ALDH1A2: variants seen among roughly 807,000 people sequenced by gnomAD.
ALDH1A2 encodes the protein retinal dehydrogenase 2.
In ALDH1A2, 27 loss-of-function variants were observed where a neutral mutation model predicts 60.3. That is an observed-to-expected ratio of 0.45 (90% CI 0.33 to 0.62). The LOEUF (loss-of-function observed/expected upper bound fraction) is 0.62. Among genes scored for constraint, ALDH1A2 ranks in the 20% least tolerant of loss-of-function variants. The probability of loss-of-function intolerance (pLI) is 0.02; values close to 1 mark genes in which losing one functional copy is unlikely to be tolerated. For missense variants in ALDH1A2, 581 were observed against 643.8 expected (o/e 0.90, Z 1.06); for synonymous variants, 289 against 232.4 (o/e 1.24, Z -2.21).
Position 57,965,807 on chromosome 15 carries a change from T to G in ALDH1A2, c.819A>C (p.Glu273Asp). 1.2e-6 allele frequency: 2 copies of G among 1,614,138 alleles called. No individual in the cohort carries two copies. The highest frequency in any genetic ancestry group is 1.7e-6 in the Non-Finnish European group (2 of 1,179,970). Reference protein sequence around the residue: ...GSTEVGKLIQEAAGRSNLKRV... With the variant: ...GSTEVGKLIQDAAGRSNLKRV... ...TCTTCAAATTACTTCTTCCAGCTGC[T>G]TCTTGGATAAGCTTTCCAACCTGAA... The change falls in exon 8 of 13, where the codon GAA (glutamate) becomes GAC (aspartate). Residue 273 changes from glutamate (E) to aspartate (D), a missense_variant. By Grantham distance (45) the Glu-to-Asp change is conservative. This residue lies in a region of ALDH1A2 where 375 missense variants were observed against 469.7 expected (regional missense o/e 0.80). Transcript: ENST00000249750.
At chr15:57,999,354 A>T (rs1446279662) in intron 4 of ALDH1A2, among the ~76,000 whole-genome samples, 9 of 152,146 alleles carry the variant, frequency 5.9e-5, no homozygotes, top group Non-Finnish European at 1.3e-4. Flanking sequence ...GAAGAAAAAA[A>T]TAACCCCATT....
intron 1 of ALDH1A2, among the ~76,000 whole-genome samples, chr15:58,037,160 A>G (rs779017866): frequency 5.3e-5 from 8 of 151,770 alleles, no homozygotes; most frequent in Non-Finnish European, 1.2e-4. Flanking sequence ...ATATGTATTT[A>G]AGCAGCAAGG....
chr15:57,970,168 A>C (rs1894015732), intron 7 of ALDH1A2, among the ~76,000 whole-genome samples: 1 of 152,238 alleles, frequency 6.6e-6, no homozygotes, highest in Non-Finnish European at 1.5e-5. Context: ...TACAAGTAGA[A>C]CACCACAGCT....
At chr15:57,993,584 C>CA (rs1298887523) in intron 5 of ALDH1A2, among the ~76,000 whole-genome samples, 2 of 152,096 alleles carry the variant, frequency 1.3e-5, no homozygotes, top group African/African-American at 2.4e-5. Context: ...TATATGATTA[C>CA]AAAAAATAAA....
At chr15:57,976,408 T>C (rs565338303) in intron 7 of ALDH1A2, among the ~76,000 whole-genome samples, 78 of 152,318 alleles carry the variant, frequency 5.1e-4, no homozygotes, top group African/African-American at 1.7e-3. Flanking sequence ...CTATTTCTCC[T>C]AATGTTATCC....
chr15:58,034,893 T>C (rs1158052449), intron 1 of ALDH1A2, among the ~76,000 whole-genome samples: 2 of 151,734 alleles, frequency 1.3e-5, no homozygotes, highest in African/African-American at 4.8e-5. Context: ...TTGTGGATTT[T>C]TGCATCTATG....
intron 1 of ALDH1A2, among the ~76,000 whole-genome samples, chr15:58,040,370 G>C (rs1215739763): frequency 6.6e-6 from 1 of 151,892 alleles, no homozygotes; most frequent in African/African-American, 2.4e-5. Context: ...CCTGCAGACA[G>C]ATAATCTAGG....
chr15:58,046,035 T>C lies in ALDH1A2; in HGVS notation c.117+19499A>G, dbSNP rs1896631992. Among the ~76,000 whole-genome samples the C allele has an allele frequency of 2.0e-5, 3 of 152,156 alleles. 1 individual carries two copies. The highest frequency in any genetic ancestry group is 6.5e-5 in the Admixed American group (1 of 15,270). On this transcript the variant is annotated intron_variant, in intron 1 of 12. Coordinates refer to ENST00000249750, the MANE Select transcript of ALDH1A2 (RefSeq NM_003888.4). ...TGGCAGGAAATGTCATATATTTTCT[T>C]ATCTCAGCAATTTCACCTTCCTAGT...
intron 1 of ALDH1A2, among the ~76,000 whole-genome samples, chr15:58,019,048 A>C (rs769572496): frequency 6.6e-6 from 1 of 152,182 alleles, no homozygotes; most frequent in Non-Finnish European, 1.5e-5. Flanking sequence ...TATAACTTTT[A>C]TAATTGTAAG....
chr15:57,987,945 G>C (rs1262996862), intron 7 of ALDH1A2, among the ~76,000 whole-genome samples: 1 of 149,914 alleles, frequency 6.7e-6, no homozygotes, highest in Non-Finnish European at 1.5e-5. Context: ...CAAAAGCTGA[G>C]AGAAGTCATC....
chr15:57,977,317 C>T (rs1347281374), intron 7 of ALDH1A2, among the ~76,000 whole-genome samples: 2 of 152,170 alleles, frequency 1.3e-5, no homozygotes, highest in Admixed American at 6.5e-5. Flanking sequence ...AGTCCTTGCC[C>T]ATGCCTATGT....
At chr15:58,029,617 G>A (rs1896177396) in intron 1 of ALDH1A2, among the ~76,000 whole-genome samples, 1 of 150,272 alleles carries the variant, frequency 6.7e-6, no homozygotes, top group East Asian at 1.9e-4. Flanking sequence ...TCCAGGAGCT[G>A]GTTTTTTGAA....
Position 58,009,872 on chromosome 15 carries a change from GCACT to G in ALDH1A2, c.493+773_493+776del, listed in dbSNP as rs577441306. Among the ~76,000 whole-genome samples the G allele has an allele frequency of 6.6e-5, 10 of 152,162 alleles. No individual in the cohort carries two copies. The South Asian group carries it at 2.1e-3, about 32-fold the overall frequency. On this transcript the variant is annotated intron_variant, in intron 4 of 12. Coordinates refer to ENST00000249750, the MANE Select transcript of ALDH1A2 (RefSeq NM_003888.4). ...CCTTTCTCTTGGGGTTGCTGTGAAA[GCACT>G]CAATTGGTATTAGCTATCACTAGTA...
chr15:57,993,225 T>A, intron 5 of ALDH1A2, 152 bp from the exon 6 acceptor site: 2 of 982,384 alleles, frequency 2.0e-6, no homozygotes, highest in Non-Finnish European at 3.1e-6. Flanking sequence ...ATTACTTCAT[T>A]AAGAATAGAA....
chr15:57,993,286 A>G (rs1894955261), intron 5 of ALDH1A2, among the ~76,000 whole-genome samples: 1 of 152,194 alleles, frequency 6.6e-6, no homozygotes, highest in South Asian at 2.1e-4. Flanking sequence ...ACCAATTACT[A>G]TACTCCAACT....
chr15:57,961,434 C>A (rs773089351), intron 10 of ALDH1A2, 140 bp from the exon 11 acceptor site: 9 of 1,068,412 alleles, frequency 8.4e-6, no homozygotes, highest in Non-Finnish European at 1.2e-5. Context: ...AATCTCCCAA[C>A]CTTTCCTAGG....
intron 1 of ALDH1A2, among the ~76,000 whole-genome samples, chr15:58,055,404 G>A (rs1206331490): frequency 2.0e-5 from 3 of 152,002 alleles, no homozygotes. Context: ...TACATTGTTA[G>A]ACATTGAGCT....
At chr15:58,009,804 G>A (rs1270101773) in intron 4 of ALDH1A2, among the ~76,000 whole-genome samples, 3 of 151,946 alleles carry the variant, frequency 2.0e-5, no homozygotes, top group Admixed American at 1.3e-4. Flanking sequence ...TACTTCGCCA[G>A]ACCTCTTTCC....
chr15:58,035,438 T>C (rs369852438), intron 1 of ALDH1A2, among the ~76,000 whole-genome samples: 9 of 144,690 alleles, frequency 6.2e-5, no homozygotes, highest in African/African-American at 2.2e-4. Context: ...ATTTTCAATT[T>C]AATCGATCTG....
Sources: allele counts gnomAD v4.1 joint callset (sites outside exome capture counted in the v4.1 genomes callset), GRCh38; gene constraint gnomAD v4.1.1; regional missense constraint gnomAD v4.1.1; transcripts MANE v1.5; gene names NCBI Gene and HGNC (gene_info 2026-07-23, HGNC 2026-07-21).